Variants in CYRIB observed in about 807,000 individuals in gnomAD.
CYRIB encodes CYFIP-related Rac1 interactor B.
In CYRIB, 8 loss-of-function variants were observed where a neutral mutation model predicts 44.2. The observed-to-expected ratio is 0.18, with a 90% CI of 0.11 to 0.33. CYRIB has a LOEUF of 0.33. Among genes scored for constraint, CYRIB ranks in the 10% least tolerant of loss-of-function variants. The probability of loss-of-function intolerance (pLI) is 1.00; values close to 1 mark genes in which losing one functional copy is unlikely to be tolerated. For synonymous variants in CYRIB, 131 were observed against 127.2 expected, an observed-to-expected ratio of 1.03 and a Z score of -0.20; for missense variants, 185 against 382.8, an observed-to-expected ratio of 0.48 and a Z score of 4.31.
chr8:129,878,021 G>C (rs1054814654), intron 3 of CYRIB, among the ~76,000 whole-genome samples: 1 of 152,114 alleles, frequency 6.6e-6, no homozygotes, highest in Non-Finnish European at 1.5e-5. Context: ...CAATCTGCTC[G>C]ACATCCTCAA....
chr8:129,847,943 A>C (rs1175729906), intron 10 of CYRIB, among the ~76,000 whole-genome samples: 2 of 152,156 alleles, frequency 1.3e-5, no homozygotes, highest in Non-Finnish European at 2.9e-5. Flanking sequence ...CTGGGACTAC[A>C]GATGTGTGCC....
At chr8:129,936,051 G>A (rs903288465) in intron 1 of CYRIB, among the ~76,000 whole-genome samples, 2 of 152,206 alleles carry the variant, frequency 1.3e-5, no homozygotes, top group African/African-American at 4.8e-5. Context: ...ATGCTTACAG[G>A]AGAGTACAGA....
At chr8:129,859,349 C>T (rs435025) in intron 5 of CYRIB, among the ~76,000 whole-genome samples, 149,169 of 152,324 alleles carry the variant, frequency 0.98, 73,059 homozygotes, top group Middle Eastern at 1. Flanking sequence ...ACTAGGAGCG[C>T]GACCACTGAA....
intron 1 of CYRIB, among the ~76,000 whole-genome samples, chr8:129,936,554 T>C (rs2092823873): frequency 6.6e-6 from 1 of 152,192 alleles, no homozygotes; most frequent in African/African-American, 2.4e-5. Context: ...TTGAATTCAC[T>C]GTTGTTCATG....
intron 1 of CYRIB, among the ~76,000 whole-genome samples, chr8:129,938,467 G>A (rs2093202528): frequency 6.6e-6 from 1 of 152,172 alleles, no homozygotes; most frequent in Admixed American, 6.5e-5. Context: ...TAGAGATTAA[G>A]GGGTAAAAAG....
chr8:129,959,529 C>G (rs1428947611), intron 2 of CYRIB, among the ~76,000 whole-genome samples: 1 of 152,090 alleles, frequency 6.6e-6, no homozygotes, highest in Non-Finnish European at 1.5e-5. Context: ...AATCCCAGCA[C>G]TTTAGGAGGC....
chr8:129,872,622 T>C (rs2133356520), intron 3 of CYRIB, among the ~76,000 whole-genome samples: 1 of 152,192 alleles, frequency 6.6e-6, no homozygotes, highest in South Asian at 2.1e-4. Flanking sequence ...TCATAAACAT[T>C]ATGATTATCA....
chr8:129,862,368 T>TAAAA, intron 4 of CYRIB, 34 bp from the exon 7 acceptor site: 1 of 1,260,364 alleles, frequency 7.9e-7, no homozygotes, highest in Non-Finnish European at 1.1e-6. Context: ...TAGTTAGAGT[T>TAAAA]AAAAAAAAAA....
chr8:129,967,526 C>G (rs972484984), intron 2 of CYRIB, among the ~76,000 whole-genome samples: 12 of 151,920 alleles, frequency 7.9e-5, no homozygotes, highest in African/African-American at 2.9e-4. Context: ...ACTACAGGCG[C>G]CTGCCACCAT....
At chr8:129,884,567 C>T (rs1052981015) in intron 2 of CYRIB, among the ~76,000 whole-genome samples, 1 of 152,158 alleles carries the variant, frequency 6.6e-6, no homozygotes, top group African/African-American at 2.4e-5. Flanking sequence ...GGATTACAGG[C>T]GTGAGCCACC....
At position 129,999,010 on chromosome 8, in the gene CYRIB, A is replaced by G. The variant is rs12677161; in HGVS notation, c.-296+17360T>C. Among the ~76,000 whole-genome samples, 349 of 152,340 alleles carry G rather than the reference A, an allele frequency of 2.3e-3. 7 individuals are homozygous for G. The East Asian group carries it at 0.057, about 25-fold the overall frequency. On this transcript the variant is annotated intron_variant, in intron 1 of 14. Coordinates refer to the CYRIB transcript ENST00000401979. ...ATTCAGCGCCGACAATCCTCAGCTC[A>G]GCTCAAACTTGGCAAAACGCTTTCT...
upstream of CYRIB, among the ~76,000 whole-genome samples, chr8:129,943,515 A>C (rs146470379): frequency 0.01 from 1,589 of 151,430 alleles, 32 homozygotes; most frequent in African/African-American, 0.036. Context: ...GAATTGCTTG[A>C]ATCCAAGAGG....
chr8:129,888,157 C>A (rs1417885519), intron 2 of CYRIB, among the ~76,000 whole-genome samples: 1 of 152,066 alleles, frequency 6.6e-6, no homozygotes, highest in African/African-American at 2.4e-5. Context: ...TGGACTTCCC[C>A]CTTGCTGCTG....
chr8:129,859,020 G>A (rs1018150329), intron 5 of CYRIB, among the ~76,000 whole-genome samples: 8 of 152,144 alleles, frequency 5.3e-5, no homozygotes, highest in Non-Finnish European at 1.2e-4. Context: ...AGCTGGGCCC[G>A]GGGGACCACT....
chr8:129,871,621 G>C, intron 3 of CYRIB, 125 bp from the exon 6 acceptor site: 1 of 961,660 alleles, frequency 1.0e-6, no homozygotes, highest in Non-Finnish European at 1.5e-6. Flanking sequence ...TGTTAACTTT[G>C]AACTTTTAAA....
intron 1 of CYRIB, among the ~76,000 whole-genome samples, chr8:129,920,795 C>T (rs185745203): frequency 2.7e-4 from 41 of 152,238 alleles, no homozygotes; most frequent in Non-Finnish European, 5.4e-4. Context: ...CATTTGATTT[C>T]CACCAAATGT....
chr8:129,881,072 A>G (rs1431703135), intron 2 of CYRIB, among the ~76,000 whole-genome samples: 1 of 152,168 alleles, frequency 6.6e-6, no homozygotes, highest in Non-Finnish European at 1.5e-5. Context: ...CATGTATGGA[A>G]CTTAAAAGTT....
chr8:129,855,498 G>T, intron 6 of CYRIB, 113 bp downstream of exon 8: 1 of 1,162,884 alleles, frequency 8.6e-7, no homozygotes, highest in Non-Finnish European at 1.2e-6. Context: ...TTTTATTAAG[G>T]TCTAGCAGAC....
intron 1 of CYRIB, among the ~76,000 whole-genome samples, chr8:130,014,972 C>T (rs1703830): frequency 6.6e-6 from 1 of 152,256 alleles, no homozygotes; most frequent in African/African-American, 2.4e-5. Context: ...AGCCAGTCAC[C>T]TGGCGGTGGC....
Sources: allele counts gnomAD v4.1 joint callset (sites outside exome capture counted in the v4.1 genomes callset), GRCh38; gene constraint gnomAD v4.1.1; transcripts MANE v1.5; gene names NCBI Gene and HGNC (gene_info 2026-07-23, HGNC 2026-07-21).